SPAST: variants seen among roughly 807,000 people sequenced by gnomAD.
The protein encoded by SPAST is spastic paraplegia 4 (autosomal dominant; spastin).
In SPAST, 30 loss-of-function variants were observed where a neutral mutation model predicts 76.6. That is an observed-to-expected ratio of 0.39 (90% CI 0.29 to 0.53). The LOEUF is 0.53. SPAST is among the 20% of genes least tolerant of loss of function. The pLI is 0.68. For synonymous variants in SPAST, 305 were observed against 281.0 expected (o/e 1.09, Z -0.86); for missense variants, 717 against 770.5 (o/e 0.93, Z 0.82).
chr2:32,131,798 G>T (rs2148749316), intron 9 of SPAST, among the ~76,000 whole-genome samples: 2 of 151,078 alleles, frequency 1.3e-5, no homozygotes, highest in Middle Eastern at 6.8e-3. Flanking sequence ...GAGTAGCTGG[G>T]ACTACAGGCA....
intron 1 of SPAST, among the ~76,000 whole-genome samples, chr2:32,075,894 C>CTTTTTTTTTTTT (rs1286144548): frequency 1.1e-5 from 1 of 87,162 alleles, no homozygotes; most frequent in Non-Finnish European, 2.1e-5. Flanking sequence ...ATTCAAAATG[C>CTTTTTTTTTTTT]TCTTTTTTTT....
intron 1 of SPAST, among the ~76,000 whole-genome samples, chr2:32,074,238 C>G (rs1424597494): frequency 6.6e-6 from 1 of 152,108 alleles, no homozygotes; most frequent in East Asian, 1.9e-4. Flanking sequence ...AGAGTGAGGT[C>G]TAAAGCTGTA....
chr2:32,121,945 TTTTC>T (rs1310459367), intron 7 of SPAST, among the ~76,000 whole-genome samples: 15 of 152,240 alleles, frequency 9.9e-5, no homozygotes, highest in Non-Finnish European at 1.6e-4. Context: ...ATTCCTCCTC[TTTTC>T]TTTTTGCCTT....
intron 1 of SPAST, among the ~76,000 whole-genome samples, chr2:32,069,286 A>G (rs1676652864): frequency 6.6e-6 from 1 of 151,290 alleles, no homozygotes; most frequent in South Asian, 2.1e-4. Flanking sequence ...TTTCTTTAGG[A>G]GATTGAATAT....
At chr2:32,101,315 T>A (rs1205937333) in intron 4 of SPAST, among the ~76,000 whole-genome samples, 1 of 152,222 alleles carries the variant, frequency 6.6e-6, no homozygotes, top group Admixed American at 6.5e-5. Context: ...GTTGTTTGAT[T>A]TTTTTCTTGT....
chr2:32,157,276 G>A lies in SPAST; in HGVS notation c.*2780G>A, dbSNP rs933072740. The A allele has an allele frequency of 7.2e-5, 11 of 152,686 alleles. No homozygotes were observed. Among genetic ancestry groups the A allele is most frequent in the African/African-American group, 2.4e-4 (10 of 41,552 alleles). 9.5% of individuals were successfully genotyped at this position (152,686 alleles called of 1,614,324 possible). On this transcript the variant is annotated 3_prime_UTR_variant, in exon 17 of 17. Transcript: ENST00000315285. Reference sequence around the variant, plus strand: ...TACTATCTTTCCAGATATCTTAAGGGTAAAAGCTTATTCTAAGACAGTCTG... The same window carrying A: ...TACTATCTTTCCAGATATCTTAAGGATAAAAGCTTATTCTAAGACAGTCTG...
intron 7 of SPAST, among the ~76,000 whole-genome samples, chr2:32,122,250 C>A (rs146610881): frequency 5.9e-5 from 9 of 152,180 alleles, no homozygotes; most frequent in African/African-American, 1.7e-4. Flanking sequence ...ATTGGTGTTC[C>A]AGAAAATGGG....
At chr2:32,109,024 A>G (rs1047085998) in intron 4 of SPAST, among the ~76,000 whole-genome samples, 3 of 151,744 alleles carry the variant, frequency 2.0e-5, no homozygotes, top group Non-Finnish European at 4.4e-5. Context: ...GGCCTCCCAC[A>G]GTGCTGGCAT....
At chr2:32,104,086 TAA>T (rs1226791469) in intron 4 of SPAST, among the ~76,000 whole-genome samples, 1 of 152,200 alleles carries the variant, frequency 6.6e-6, no homozygotes, top group Non-Finnish European at 1.5e-5. Flanking sequence ...TGTGGGAGTC[TAA>T]GTCTCTTTGT....
intron 12 of SPAST, among the ~76,000 whole-genome samples, chr2:32,137,890 AC>A (rs1679592755): frequency 6.6e-6 from 1 of 152,048 alleles, no homozygotes; most frequent in South Asian, 2.1e-4. Context: ...TTAGCTCCCC[AC>A]TTATGAGAAC....
intron 7 of SPAST, among the ~76,000 whole-genome samples, chr2:32,123,212 A>T (rs1369516931): frequency 6.6e-6 from 1 of 152,198 alleles, no homozygotes. Context: ...CAGTGAGCCA[A>T]GATCGCGCCA....
chr2:32,147,815 T>C (rs911946467), intron 16 of SPAST, among the ~76,000 whole-genome samples: 2 of 150,786 alleles, frequency 1.3e-5, no homozygotes, highest in Non-Finnish European at 2.9e-5. Flanking sequence ...GTACTTTTAG[T>C]AGAGACGGGG....
chr2:32,107,737 C>G (rs1297373011), intron 4 of SPAST, among the ~76,000 whole-genome samples: 1 of 152,072 alleles, frequency 6.6e-6, no homozygotes, highest in African/African-American at 2.4e-5. Flanking sequence ...GGATACTCAA[C>G]CCATAATCTT....
chr2:32,137,035 G>T, intron 11 of SPAST, 67 bp downstream of exon 11: 1 of 1,542,486 alleles, frequency 6.5e-7, no homozygotes, highest in East Asian at 2.3e-5. Flanking sequence ...AAATGGCCAA[G>T]GTTAAAAATA....
chr2:32,135,934 C>CAA (rs1482553858), intron 9 of SPAST, among the ~76,000 whole-genome samples: 2 of 151,810 alleles, frequency 1.3e-5, no homozygotes, highest in Non-Finnish European at 2.9e-5. Context: ...AAAAATTAGC[C>CAA]AGGCGTGGTG....
In SPAST at chr2:32,147,270, T is replaced by C. The variant is rs996514790; in HGVS notation, c.1728+12T>C. The C allele has an allele frequency of 3.2e-6, 5 of 1,573,258 alleles. No homozygotes were observed. The African/African-American group carries it at 6.8e-5, about 21-fold the overall frequency. On this transcript the variant is annotated intron_variant, in intron 16 of 16. Transcript: ENST00000315285. The stretch of plus-strand genomic sequence containing the variant: ...TGTCTGCCAGTGAGGTATAGTATTT[T>C]ACAATGATATTTTCTTTGTCTTCTA...
intron 9 of SPAST, among the ~76,000 whole-genome samples, chr2:32,133,952 G>C (rs1679452566): frequency 6.6e-6 from 1 of 152,116 alleles, no homozygotes; most frequent in Non-Finnish European, 1.5e-5. Context: ...TTCTAAAGTA[G>C]TTAAAAGTAA....
At chr2:32,091,479 G>T (rs1677714859) in intron 3 of SPAST, among the ~76,000 whole-genome samples, 2 of 149,936 alleles carry the variant, frequency 1.3e-5, no homozygotes, top group East Asian at 4.2e-4. Flanking sequence ...GTTTCACCAT[G>T]TTGGCCAGGC....
In SPAST at chr2:32,093,630, C is replaced by A. The variant is rs574235227; in HGVS notation, c.586+4025C>A. 3.3e-5 allele frequency among the ~76,000 whole-genome samples: 5 copies of A among 152,242 alleles called. No individual in the cohort carries two copies. In the East Asian group the frequency reaches 9.6e-4, roughly 29 times the overall value. On this transcript the variant is annotated intron_variant, in intron 3 of 16. Coordinates refer to ENST00000315285, the MANE Select transcript of SPAST (RefSeq NM_014946.4). The stretch of plus-strand genomic sequence containing the variant: ...TTATTGTGTACTATCTGTCTTCTCC[C>A]TGTTGGAATATAAACTCTATGGAGG...
Sources: gnomAD v4.1 joint callset for allele counts (sites outside exome capture counted in the v4.1 genomes callset) on GRCh38, gnomAD v4.1.1 for gene constraint, MANE v1.5 for transcripts, NCBI Gene and HGNC (gene_info 2026-07-23, HGNC 2026-07-21) for gene names.